LCORL: variants seen among roughly 807,000 people sequenced by gnomAD.
The protein encoded by LCORL is ligand-dependent nuclear receptor corepressor-like protein.
In LCORL, 41 loss-of-function variants were observed where a neutral mutation model predicts 141.8. The observed-to-expected ratio is 0.29, with a 90% CI of 0.23 to 0.38. LCORL has a LOEUF of 0.38. LCORL is among the 10% of genes least tolerant of loss of function. The pLI is 1.00. For missense variants in LCORL, 1,759 were observed against 2,035.0 expected (o/e 0.86, Z 2.61); for synonymous variants, 618 against 694.1 (o/e 0.89, Z 1.72).
At chr4:17,960,910 A>AC (rs11451803) in intron 4 of LCORL, among the ~76,000 whole-genome samples, 36,082 of 152,020 alleles carry the variant, frequency 0.24, 5,438 homozygotes, top group African/African-American at 0.43. Context: ...AATTATATTA[A>AC]GACTCTTCTA....
intron 1 of LCORL, among the ~76,000 whole-genome samples, chr4:18,003,350 A>G (rs550942352): frequency 6.6e-6 from 1 of 152,348 alleles, no homozygotes; most frequent in South Asian, 2.1e-4. Context: ...GGTTTAAGAT[A>G]TATTTGAAAA....
At position 17,992,507 on chromosome 4, in the gene LCORL, G is replaced by A. The variant is rs1036633251; in HGVS notation, c.155-19622C>T. ...TGCTGTGTTTTCATAATGAAAATAC[G>A]TCTGATTTCATTACATTGTATAATT... is the stretch of plus-strand genomic sequence containing the variant. On this transcript the variant is annotated intron_variant, in intron 1 of 7. Coordinates refer to ENST00000635767, the Ensembl canonical transcript of LCORL. 4.6e-5 allele frequency among the ~76,000 whole-genome samples: 7 copies of A among 152,154 alleles called. No individual in the cohort carries two copies. In the South Asian group the frequency reaches 6.2e-4, roughly 14 times the overall value.
At chr4:17,969,146 A>G (rs1234839899) in intron 2 of LCORL, among the ~76,000 whole-genome samples, 2 of 152,226 alleles carry the variant, frequency 1.3e-5, no homozygotes, top group South Asian at 2.1e-4. Flanking sequence ...AAAAAGTCCT[A>G]TGACACCAGA....
intron 4 of LCORL, among the ~76,000 whole-genome samples, chr4:17,916,708 G>T (rs573744333): frequency 2.3e-5 from 3 of 127,874 alleles, no homozygotes; most frequent in African/African-American, 9.1e-5. Flanking sequence ...GCAGAGGCAT[G>T]ATCTTGGCTC....
chr4:17,941,939 T>C (rs1738046155), intron 4 of LCORL, among the ~76,000 whole-genome samples: 1 of 152,046 alleles, frequency 6.6e-6, no homozygotes, highest in Admixed American at 6.6e-5. Context: ...ATTTAGATAA[T>C]GCCTTATTCC....
At chr4:17,970,844 A>G (rs1263368289) in intron 2 of LCORL, among the ~76,000 whole-genome samples, 1 of 152,228 alleles carries the variant, frequency 6.6e-6, no homozygotes, top group African/African-American at 2.4e-5. Context: ...AACACAGGTT[A>G]TATGTCAAAG....
chr4:17,967,198 A>G (rs1715058974), intron 2 of LCORL, among the ~76,000 whole-genome samples: 1 of 152,156 alleles, frequency 6.6e-6, no homozygotes, highest in South Asian at 2.1e-4. Flanking sequence ...TGACATTCTA[A>G]AAAAAACAAA....
chr4:18,005,317 C>A (rs1042158505), intron 1 of LCORL, among the ~76,000 whole-genome samples: 19 of 152,168 alleles, frequency 1.2e-4, no homozygotes, highest in Admixed American at 1.1e-3. Flanking sequence ...GCAGCTCTGC[C>A]CCTGTGGCTC....
At chr4:17,952,592 T>A (rs1410710349) in intron 4 of LCORL, among the ~76,000 whole-genome samples, 3 of 152,062 alleles carry the variant, frequency 2.0e-5, no homozygotes, top group Non-Finnish European at 2.9e-5. Flanking sequence ...ATTTTTTGTA[T>A]TTTTAGTAGA....
intron 2 of LCORL, among the ~76,000 whole-genome samples, chr4:17,967,184 T>C (rs1275601849): frequency 6.6e-6 from 1 of 152,102 alleles, no homozygotes; most frequent in Non-Finnish European, 1.5e-5. Context: ...TGATTCCAAC[T>C]ATATGACATT....
At chr4:17,898,322 C>G (rs1237805872) in intron 5 of LCORL, among the ~76,000 whole-genome samples, 4 of 152,064 alleles carry the variant, frequency 2.6e-5, no homozygotes, top group African/African-American at 9.7e-5. Flanking sequence ...CATTATGTTA[C>G]TAATTTGACC....
At chr4:17,895,988 T>C (rs775387677) in intron 5 of LCORL, among the ~76,000 whole-genome samples, 27 of 152,220 alleles carry the variant, frequency 1.8e-4, no homozygotes, top group Non-Finnish European at 2.8e-4. Flanking sequence ...TTATGAATAA[T>C]GCTGTTATAA....
chr4:17,907,266 G>A (rs191145391), intron 5 of LCORL, among the ~76,000 whole-genome samples: 1 of 152,272 alleles, frequency 6.6e-6, no homozygotes, highest in African/African-American at 2.4e-5. Context: ...AGGAACGGGG[G>A]GTAGACAGTG....
chr4:17,906,422 AT>A (rs1368096942), intron 5 of LCORL, among the ~76,000 whole-genome samples: 1 of 152,122 alleles, frequency 6.6e-6, no homozygotes, highest in African/African-American at 2.4e-5. Context: ...AAACTAAATA[AT>A]TTCTATCCTC....
intron 1 of LCORL, among the ~76,000 whole-genome samples, chr4:18,002,410 A>G (rs916681228): frequency 6.6e-6 from 1 of 152,180 alleles, no homozygotes; most frequent in Non-Finnish European, 1.5e-5. Context: ...AAAAGAAAAA[A>G]AAAAACCTTC....
chr4:17,857,268 G>T (rs149437815), intron 7 of LCORL, among the ~76,000 whole-genome samples: 3 of 151,940 alleles, frequency 2.0e-5, no homozygotes, highest in South Asian at 2.1e-4. Context: ...ACATGGGGGT[G>T]GGGGGAGAAA....
chr4:17,855,840 C>T (rs1427301296), intron 7 of LCORL, among the ~76,000 whole-genome samples: 1 of 152,134 alleles, frequency 6.6e-6, no homozygotes, highest in African/African-American at 2.4e-5. Context: ...ATAAAAACTG[C>T]TCATTTATTT....
intron 2 of LCORL, 85 bp downstream of exon 2, chr4:17,972,735 A>G (rs1263031038): frequency 6.5e-6 from 3 of 462,906 alleles, no homozygotes; most frequent in East Asian, 7.4e-5. Flanking sequence ...TTCATGTTTA[A>G]TATAAAGTTA....
intron 7 of LCORL, among the ~76,000 whole-genome samples, chr4:17,853,801 AG>A (rs1403933108): frequency 6.6e-6 from 1 of 152,154 alleles, no homozygotes; most frequent in Non-Finnish European, 1.5e-5. Context: ...AGGTTTGTTA[AG>A]TGCACGAACC....
Sources: allele counts gnomAD v4.1 joint callset (sites outside exome capture counted in the v4.1 genomes callset), GRCh38; gene constraint gnomAD v4.1.1; transcripts MANE v1.5; gene names NCBI Gene and HGNC (gene_info 2026-07-23, HGNC 2026-07-21).